Variants in GNRH2 observed in about 807,000 individuals in gnomAD.
The protein encoded by GNRH2 is progonadoliberin-2.
GNRH2 carries 15 observed loss-of-function variants against 12.1 expected under a neutral mutation model. The observed-to-expected ratio is 1.24, with a 90% CI of 0.83 to 1.90. The LOEUF (loss-of-function observed/expected upper bound fraction) is 1.90, where lower values mean the gene tolerates loss of function less well. GNRH2 is among the 40% of genes most tolerant of loss of function. GNRH2 has a pLI of 0.00. For synonymous variants in GNRH2, 60 were observed against 62.0 expected (o/e 0.97, Z 0.15); for missense variants, 143 against 141.4 (o/e 1.01, Z -0.06).
rs372662247 is a variant in GNRH2 at position 3,044,758 on chromosome 20, C to G, written c.213C>G (p.Asp71Glu). 6.2e-7 allele frequency: 1 copy of G among 1,612,018 alleles called. No individual in the cohort carries two copies. The highest frequency in any genetic ancestry group is 8.5e-7 in the Non-Finnish European group (1 of 1,178,872). The part of the protein sequence containing the change: ...GLPSDALAPL[D>E]DSMPWEGRTT... The stretch of plus-strand genomic sequence containing the variant: ...CAAGTGATGCCCTGGCTCCCCTGGA[C>G]GACAGCATGCCCTGGGAGGGCAGGA... Residue 71 changes from aspartate to glutamate, a missense_variant, in exon 3 of 4, where the codon GAC becomes GAG. Physicochemically the swap from Asp to Glu is conservative, Grantham distance 45 (BLOSUM62 2). Transcript: ENST00000359100.
Position 3,045,704 on chromosome 20 carries a change from C to CGCCCT in GNRH2, c.314_315insTGCCC (p.Ser109ArgfsTer?), listed in dbSNP as rs2065982497. 1.9e-6 allele frequency: 3 copies of CGCCCT among 1,584,288 alleles called. No individual in the cohort carries two copies. The highest frequency in any genetic ancestry group is 2.6e-6 in the Non-Finnish European group (3 of 1,156,696). ...TCCGCAGACCGCAGCCCGAGAGCCC[C>CGCCCT]GCCCCGCCCCGCCATCCTCCAATAA... On this transcript the variant is annotated frameshift_variant, in exon 4 of 4. Transcript: ENST00000359100. LOFTEE classifies it high-confidence loss of function.
In GNRH2 at chr20:3,044,833, G is replaced by A; in HGVS notation, c.288G>A (p.Leu96=). The A allele has an allele frequency of 6.2e-7, 1 of 1,603,972 alleles. No homozygotes were observed. The highest frequency in any genetic ancestry group is 1.1e-5 in the South Asian group (1 of 90,648). Residue 96 remains leucine (L), a synonymous_variant, in exon 3 of 4, where the codon CTG becomes CTA. Transcript: ENST00000359100. ...GGAAGCGACACCTGGCACGGACACTGCTGGTGAGTAGGGTGAGAGGTCCCC... is the reference window on the plus strand; with the variant it reads ...GGAAGCGACACCTGGCACGGACACTACTGGTGAGTAGGGTGAGAGGTCCCC... ...LHRKRHLART[L]LTAAREPRPA... is the part of the protein sequence containing the mutation.
chr20:3,044,150 G>T (rs1439143915), intron 1 of GNRH2: 4 of 476,390 alleles, frequency 8.4e-6, no homozygotes, highest in Non-Finnish European at 1.5e-5. Context: ...GGCCCTCAGA[G>T]CTGGCAAGGC....
At chr20:3,045,146 C>T (rs531921349) in intron 3 of GNRH2, among the ~76,000 whole-genome samples, 5 of 152,174 alleles carry the variant, frequency 3.3e-5, no homozygotes, top group Non-Finnish European at 5.9e-5. Flanking sequence ...CCACAGGCAT[C>T]CTGACAAGCC....
At chr20:3,045,597 G>A (rs1368871753) in intron 3 of GNRH2, 89 bp from the exon 4 acceptor site, 12 of 1,119,918 alleles carry the variant, frequency 1.1e-5, no homozygotes, top group South Asian at 2.7e-5. Context: ...GGACTGGGGG[G>A]GACGAGAGGG....
At chr20:3,044,186 G>T (rs2065961050) in intron 1 of GNRH2, 1 of 534,036 alleles carries the variant, frequency 1.9e-6, no homozygotes, top group East Asian at 2.9e-5. Flanking sequence ...CCCAGGCTCA[G>T]GGAGAAGGCT....
chr20:3,045,702 C>A lies in GNRH2; in HGVS notation c.308C>A (p.Pro103His). The A allele has an allele frequency of 6.3e-7, 1 of 1,586,276 alleles. No homozygotes were observed. The stretch of plus-strand genomic sequence containing the variant: ...CCTCCGCAGACCGCAGCCCGAGAGC[C>A]CCGCCCCGCCCCGCCATCCTCCAAT... ...ARTLLTAARE[P>H]RPAPPSSNKV Residue 103 changes from proline to histidine, a missense_variant, in exon 4 of 4, where the codon CCC (proline) becomes CAC (histidine). Pro to His is a moderately conservative substitution (Grantham distance 77). Transcript: ENST00000359100.
chr20:3,044,544 C>T lies in GNRH2; in HGVS notation c.130C>T (p.Pro44Ser). The change falls in exon 2 of 4, where the codon CCC becomes TCC. Residue 44 changes from proline to serine, a missense_variant. Pro to Ser is a moderately conservative substitution (Grantham distance 74, BLOSUM62 -1). Coordinates refer to ENST00000359100, the MANE Select transcript of GNRH2 (RefSeq NM_178331.2). ...GKRALSSAQDPQNALRPPAGS... is the reference protein window; with the variant it reads ...GKRALSSAQDSQNALRPPAGS... Reference sequence around the variant, plus strand: ...GCGAGCCCTCAGCTCAGCCCAGGATCCCCAGAATGCCCTTAGGCCCCCAGG... The same window carrying T: ...GCGAGCCCTCAGCTCAGCCCAGGATTCCCAGAATGCCCTTAGGCCCCCAGG... 6.2e-7 allele frequency: 1 copy of T among 1,613,798 alleles called. No homozygotes were observed.
intron 3 of GNRH2, among the ~76,000 whole-genome samples, 173 bp from the exon 4 acceptor site, chr20:3,045,513 G>A (rs1229673243): frequency 9.9e-5 from 15 of 152,026 alleles, no homozygotes; most frequent in Admixed American, 9.8e-4. Flanking sequence ...AAGGGAGCTG[G>A]AGATCCCCAC....
intron 1 of GNRH2, 65 bp from the exon 2 acceptor site, chr20:3,044,343 C>G: frequency 1.4e-6 from 2 of 1,380,994 alleles, no homozygotes; most frequent in Non-Finnish European, 2.1e-6. Flanking sequence ...CAAAGTGGCC[C>G]TGGAGGAAGT....
In GNRH2 at chr20:3,044,399, G is replaced by A. The variant is rs2065963612; in HGVS notation, c.-7-9G>A. 6.2e-7 allele frequency: 1 copy of A among 1,611,606 alleles called. No homozygotes were observed. The highest frequency in any genetic ancestry group is 8.5e-7 in the Non-Finnish European group (1 of 1,178,124). ...TAAGTCTCCTTGAATGCTGTACCCT[G>A]TCCATTAGAGCAGCCATGGCCAGCT... On this transcript the variant is annotated splice_polypyrimidine_tract_variant and intron_variant, in intron 1 of 3. Coordinates refer to ENST00000359100, the MANE Select transcript of GNRH2 (RefSeq NM_178331.2).
chr20:3,045,380 G>C (rs2065977830), intron 3 of GNRH2, among the ~76,000 whole-genome samples: 1 of 152,200 alleles, frequency 6.6e-6, no homozygotes, highest in African/African-American at 2.4e-5. Flanking sequence ...CATCAGGAGA[G>C]CCCGGTAACT....
At chr20:3,044,862 A>C (rs575329819) in intron 3 of GNRH2, 26 bp downstream of exon 3, 1 of 1,580,472 alleles carries the variant, frequency 6.3e-7, no homozygotes, top group South Asian at 1.1e-5. Flanking sequence ...GGTCCCCAGC[A>C]TCAAGACCAG....
At position 3,044,562 on chromosome 20, in the gene GNRH2, C is replaced by A. The variant is rs553735516; in HGVS notation, c.148C>A (p.Pro50Thr). Residue 50 changes from proline to threonine, a missense_variant, in exon 2 of 4, where the codon CCC becomes ACC. By Grantham distance (38) the Pro-to-Thr change is conservative. Coordinates refer to ENST00000359100, the MANE Select transcript of GNRH2 (RefSeq NM_178331.2). Reference sequence around the variant, plus strand: ...CCAGGATCCCCAGAATGCCCTTAGGCCCCCAGGTGGGTGTCTCCCAGCCTC... The same window carrying A: ...CCAGGATCCCCAGAATGCCCTTAGGACCCCAGGTGGGTGTCTCCCAGCCTC... Reference protein sequence around the residue: ...SAQDPQNALRPPAGSPVQTAH... With the variant: ...SAQDPQNALRTPAGSPVQTAH... The A allele has an allele frequency of 6.2e-7, 1 of 1,613,614 alleles. No individual in the cohort carries two copies. Among genetic ancestry groups the A allele is most frequent in the Non-Finnish European group, 8.5e-7 (1 of 1,179,872 alleles).
At position 3,044,723 on chromosome 20, in the gene GNRH2, C is replaced by T; in HGVS notation, c.178C>T (p.His60Tyr). The change falls in exon 3 of 4, where the codon CAT (histidine) becomes TAT (tyrosine). Residue 60 changes from histidine (H) to tyrosine (Y), a missense_variant. By Grantham distance (83) the His-to-Tyr change is moderately conservative. Transcript: ENST00000359100. ...PPAGSPVQTAHGLPSDALAPL... is the reference protein window; with the variant it reads ...PPAGSPVQTAYGLPSDALAPL... ...AGCAGGCAGCCCAGTCCAGACTGCCCATGGCCTCCCAAGTGATGCCCTGGC... is the reference window on the plus strand; with the variant it reads ...AGCAGGCAGCCCAGTCCAGACTGCCTATGGCCTCCCAAGTGATGCCCTGGC... 3 of 1,611,638 alleles carry T rather than the reference C, an allele frequency of 1.9e-6. No homozygotes were observed. In the South Asian group the frequency reaches 3.3e-5, roughly 18 times the overall value.
intron 3 of GNRH2, 30 bp from the exon 4 acceptor site, chr20:3,045,656 G>T (rs751373487): frequency 2.6e-5 from 41 of 1,596,918 alleles, no homozygotes; most frequent in Non-Finnish European, 3.4e-5. Context: ...CCAGTGTCCT[G>T]AGACATGACC....
intron 1 of GNRH2, chr20:3,044,202 C>G: frequency 1.8e-6 from 1 of 559,532 alleles, no homozygotes; most frequent in South Asian, 2.4e-5. Context: ...AGGCTCGTCC[C>G]CTGGAGCATC....
chr20:3,044,902 AG>A, intron 3 of GNRH2, 66 bp downstream of exon 3: 1 of 1,363,280 alleles, frequency 7.3e-7, no homozygotes, highest in Non-Finnish European at 1.0e-6. Context: ...ATTGTGGCTT[AG>A]GGTTGGGTGC....
At position 3,043,633 on chromosome 20, in the gene GNRH2, TG is replaced by T; in HGVS notation, c.-39del. 6.6e-6 allele frequency: 1 copy of T among 152,574 alleles called. No homozygotes were observed. The highest frequency in any genetic ancestry group is 1.5e-5 in the Non-Finnish European group (1 of 68,284). 9.5% of individuals were successfully genotyped at this position (152,574 alleles called of 1,614,324 possible). On this transcript the variant is annotated 5_prime_UTR_variant, in exon 1 of 4. Transcript: ENST00000359100. ...ATCAGGCTAGGGTCCTGCAGCTGCC[TG>T]AAGGAGCCATCTCATCCACAGCTCT...
Sources: allele counts gnomAD v4.1 joint callset (sites outside exome capture counted in the v4.1 genomes callset), GRCh38; gene constraint gnomAD v4.1.1; transcripts MANE v1.5; gene names NCBI Gene and HGNC (gene_info 2026-07-23, HGNC 2026-07-21).